DHRS12: variants seen among roughly 807,000 people sequenced by gnomAD.
DHRS12 encodes the protein dehydrogenase/reductase SDR family member 12.
Under a neutral mutation model 32.1 loss-of-function variants are expected in DHRS12, and 29 were observed. The ratio of observed to expected loss-of-function variants is 0.90; its 90% CI spans 0.67 to 1.23. The LOEUF is 1.23. DHRS12 is among the 50% of genes most tolerant of loss of function. The probability of loss-of-function intolerance (pLI) is 0.00; values close to 1 mark genes in which losing one functional copy is unlikely to be tolerated. For synonymous variants in DHRS12, 150 were observed against 135.9 expected (o/e 1.10, Z -0.72); for missense variants, 330 against 337.2 (o/e 0.98, Z 0.17).
chr13:51,790,827 G>C (rs1955232703), intron 3 of DHRS12, among the ~76,000 whole-genome samples: 1 of 151,984 alleles, frequency 6.6e-6, no homozygotes, highest in Non-Finnish European at 1.5e-5. Context: ...GTATTCTTTT[G>C]GACAAAAAGA....
At chr13:51,803,786 GT>G (rs1955865088) in intron 1 of DHRS12, 5 of 305,724 alleles carry the variant, frequency 1.6e-5, no homozygotes, top group Non-Finnish European at 3.0e-5. Context: ...CCTGACGTCA[GT>G]GGGACGGCCC....
At chr13:51,758,292 GTTATTAAGGTAAGATGCCATC>G in the DHRS12 span, 1 of 1,586,884 alleles carries the variant, frequency 6.3e-7, no homozygotes, top group Non-Finnish European at 8.6e-7. Context: ...AACTGACAAG[GTTATTAAGGTAAGATGCCATC>G]TTATTAAGAA....
intron 7 of DHRS12, chr13:51,771,592 A>G (rs979665420): frequency 1.2e-4 from 182 of 1,542,328 alleles, no homozygotes; most frequent in Non-Finnish European, 1.5e-4. Flanking sequence ...CGTTCCCACC[A>G]TCTCCTTCCC....
chr13:51,758,435 CA>C, the DHRS12 span: 1 of 503,708 alleles, frequency 2.0e-6, no homozygotes, highest in Non-Finnish European at 3.5e-6. Flanking sequence ...TCTGTAGTCC[CA>C]GCTACTCAGG....
At chr13:51,767,392 TGTG>T (rs1030227596), downstream of DHRS12, 3 of 152,240 alleles carry the variant, frequency 2.0e-5, no homozygotes, top group Non-Finnish European at 4.4e-5. Flanking sequence ...ATCCCTTCCT[TGTG>T]GTCCTTGGCT....
chr13:51,760,667 T>C, the DHRS12 span: 1 of 152,240 alleles, frequency 6.6e-6, no homozygotes, highest in Non-Finnish European at 1.5e-5. Flanking sequence ...TCAGCGGCCC[T>C]CAACCTTGTT....
the DHRS12 span, among the ~76,000 whole-genome samples, chr13:51,756,876 G>A: frequency 3.9e-5 from 6 of 152,190 alleles, no homozygotes; most frequent in African/African-American, 1.4e-4. Flanking sequence ...GAGCTAAGTC[G>A]CTTTACCCAA....
chr13:51,778,303 C>T (rs1382699367), intron 4 of DHRS12, among the ~76,000 whole-genome samples: 2 of 152,252 alleles, frequency 1.3e-5, no homozygotes, highest in African/African-American at 2.4e-5. Flanking sequence ...CGCCTTTGTC[C>T]TGCTCTTGCT....
intron 2 of DHRS12, among the ~76,000 whole-genome samples, chr13:51,797,266 T>C (rs1280924665): frequency 6.6e-6 from 1 of 152,160 alleles, no homozygotes; most frequent in East Asian, 1.9e-4. Flanking sequence ...GTGTAGAAAT[T>C]CTAAATAACT....
At chr13:51,769,079 G>C (rs908488619) in intron 8 of DHRS12, 77 bp downstream of exon 8, 1 of 1,542,912 alleles carries the variant, frequency 6.5e-7, no homozygotes, top group African/African-American at 1.4e-5. Flanking sequence ...TTTCACGGAG[G>C]GGAAGGTGCG....
At chr13:51,795,178 A>AC (rs1181326554) in intron 2 of DHRS12, among the ~76,000 whole-genome samples, 1 of 151,946 alleles carries the variant, frequency 6.6e-6, no homozygotes, top group Non-Finnish European at 1.5e-5. Flanking sequence ...CCTCACCCAG[A>AC]CCCTCCTGCC....
At chr13:51,762,369 C>T in the DHRS12 span, 1 of 152,274 alleles carries the variant, frequency 6.6e-6, no homozygotes, top group Admixed American at 6.5e-5. Flanking sequence ...CCCACAGAGC[C>T]ACTCAGAGGC....
intron 1 of DHRS12, among the ~76,000 whole-genome samples, chr13:51,802,369 C>G (rs1440874641): frequency 1.3e-5 from 2 of 152,226 alleles, no homozygotes. Flanking sequence ...GCTTGGCAAC[C>G]TGTGGTTTCA....
intron 1 of DHRS12, 182 bp downstream of exon 1, chr13:51,803,872 C>T (rs1306394727): frequency 4.3e-6 from 2 of 466,578 alleles, no homozygotes; most frequent in Non-Finnish European, 6.8e-6. Flanking sequence ...TGGAGTCTGG[C>T]GACTGCCCCA....
downstream of DHRS12, chr13:51,767,956 A>G (rs1953824814): frequency 3.0e-6 from 4 of 1,335,246 alleles, no homozygotes; most frequent in Non-Finnish European, 3.8e-6. Flanking sequence ...TCTCGAATAA[A>G]TGAGACTTAA....
downstream of DHRS12, chr13:51,764,571 T>A (rs1029867671): frequency 6.6e-6 from 1 of 152,424 alleles, no homozygotes; most frequent in Non-Finnish European, 1.5e-5. Flanking sequence ...CTCGTCACTA[T>A]CAGATGCTGC....
At chr13:51,768,756 G>T in intron 8 of DHRS12, 1 of 1,141,016 alleles carries the variant, frequency 8.8e-7, no homozygotes, top group Non-Finnish European at 1.1e-6. Context: ...ACAGATCACT[G>T]CTTCCAAAAA....
At chr13:51,759,446 TCA>T in the DHRS12 span, among the ~76,000 whole-genome samples, 2 of 152,254 alleles carry the variant, frequency 1.3e-5, no homozygotes, top group East Asian at 3.8e-4. Flanking sequence ...TTTTAGTGAC[TCA>T]CAGGAGGATC....
intron 7 of DHRS12, chr13:51,771,202 G>T: frequency 1.3e-6 from 2 of 1,550,268 alleles, no homozygotes. Context: ...GGCGCCGCGG[G>T]TGCACCCTGG....
Sources: allele counts gnomAD v4.1 joint callset (sites outside exome capture counted in the v4.1 genomes callset), GRCh38; gene constraint gnomAD v4.1.1; transcripts MANE v1.5; gene names NCBI Gene and HGNC (gene_info 2026-07-23, HGNC 2026-07-21).